The following PRTG variants were observed in gnomAD, a reference collection of about 807,000 sequenced individuals.
PRTG encodes the protein protogenin.
A neutral mutation model predicts 122.5 loss-of-function variants in PRTG; 67 were observed. That is an observed-to-expected ratio of 0.55 (90% CI 0.45 to 0.67). PRTG has a LOEUF of 0.67. PRTG is among the 30% of genes least tolerant of loss of function. PRTG has a pLI of 0.00. For synonymous variants in PRTG, 554 were observed against 501.1 expected, an observed-to-expected ratio of 1.11 and a Z score of -1.41; for missense variants, 1,435 against 1,415.4, an observed-to-expected ratio of 1.01 and a Z score of -0.22.
In PRTG at chr15:55,679,420, T is replaced by C. The variant is rs368575060; in HGVS notation, c.999A>G (p.Pro333=). The C allele has an allele frequency of 1.4e-5, 22 of 1,611,160 alleles. No individual in the cohort carries two copies. The highest frequency in any genetic ancestry group is 1.6e-4 in the Middle Eastern group (1 of 6,068). Residue 333 remains proline, a synonymous_variant, in exon 7 of 20, where the codon CCA becomes CCG. Coordinates refer to ENST00000389286, the MANE Select transcript of PRTG (RefSeq NM_173814.6). The part of the protein sequence containing the change: ...VLAPPSFVEW[P]ESLTRPRAGT... ...CAGCTCGAGGCCTTGTTAAACTTTC[T>C]GGCCATTCAACAAATGAAGGAGGAG...
chr15:55,722,202 A>G (rs1347625103), intron 2 of PRTG, among the ~76,000 whole-genome samples: 1 of 152,156 alleles, frequency 6.6e-6, no homozygotes, highest in Non-Finnish European at 1.5e-5. Context: ...AGATCTGAAA[A>G]TTTTCAAAAT....
intron 11 of PRTG, among the ~76,000 whole-genome samples, chr15:55,651,463 G>A (rs763703953): frequency 7.9e-5 from 12 of 152,082 alleles, no homozygotes; most frequent in Non-Finnish European, 1.8e-4. Context: ...TAAAAAGCTC[G>A]CTGAGTAGGA....
intron 2 of PRTG, among the ~76,000 whole-genome samples, chr15:55,722,748 C>T (rs2030874831): frequency 6.8e-6 from 1 of 147,956 alleles, no homozygotes; most frequent in African/African-American, 2.5e-5. Context: ...AGAAATGCCA[C>T]ACAGAACATA....
intron 11 of PRTG, among the ~76,000 whole-genome samples, chr15:55,641,867 A>AT (rs958217050): frequency 2.6e-5 from 4 of 151,978 alleles, no homozygotes; most frequent in African/African-American, 9.7e-5. Context: ...CCCTAAAACA[A>AT]TTTTTTTCAG....
intron 11 of PRTG, among the ~76,000 whole-genome samples, chr15:55,669,926 T>C (rs2059458936): frequency 1.3e-5 from 2 of 152,206 alleles, no homozygotes; most frequent in Admixed American, 1.3e-4. Flanking sequence ...AGTTTATGCA[T>C]TAGAAGTGAT....
intron 2 of PRTG, among the ~76,000 whole-genome samples, chr15:55,705,378 C>A (rs929554398): frequency 5.3e-5 from 8 of 152,214 alleles, no homozygotes; most frequent in African/African-American, 1.7e-4. Flanking sequence ...CCCTGACCTT[C>A]CACTTGATTG....
At chr15:55,733,327 G>A (rs1223292220) in intron 2 of PRTG, among the ~76,000 whole-genome samples, 6 of 151,538 alleles carry the variant, frequency 4.0e-5, no homozygotes, top group Admixed American at 2.0e-4. Flanking sequence ...CCTGACCAAC[G>A]TGGAGAAACC....
chr15:55,716,203 A>C (rs1243815432), intron 2 of PRTG, among the ~76,000 whole-genome samples: 1 of 152,212 alleles, frequency 6.6e-6, no homozygotes, highest in Non-Finnish European at 1.5e-5. Context: ...ACTGCACTCC[A>C]GCCTGGGTGA....
chr15:55,706,054 A>G (rs1595665903), intron 2 of PRTG, among the ~76,000 whole-genome samples: 1 of 127,580 alleles, frequency 7.8e-6, no homozygotes, highest in African/African-American at 3.1e-5. Context: ...TAGAGACGGG[A>G]TTTCACCATG....
intron 11 of PRTG, among the ~76,000 whole-genome samples, chr15:55,644,146 A>C (rs2059307804): frequency 6.6e-6 from 1 of 152,182 alleles, no homozygotes; most frequent in Non-Finnish European, 1.5e-5. Flanking sequence ...GCTGAAAAAT[A>C]CTTCTTCATT....
chr15:55,616,924 T>C lies in PRTG; in HGVS notation c.*3088A>G, dbSNP rs1018167669. 3.9e-5 allele frequency: 6 copies of C among 152,158 alleles called. No homozygotes were observed. Among genetic ancestry groups the C allele is most frequent in the African/African-American group, 1.4e-4 (6 of 41,464 alleles). 9.4% of individuals were successfully genotyped at this position (152,158 alleles called of 1,614,324 possible). A position where few individuals can be genotyped will look rare whatever the true frequency, so the allele number is the denominator to read the frequency against. On this transcript the variant is annotated 3_prime_UTR_variant, in exon 20 of 20. Transcript: ENST00000389286. ...CTAACCTATACATCTTAATGGTCTT[T>C]GGTATGAAAATACTGATGAGCAGTA...
rs779218159 is a variant in PRTG, at chr15:55,624,311, G to A, written c.3093+31C>T. On this transcript the variant is annotated intron_variant, in intron 18 of 19. Transcript: ENST00000389286. ...ACACAGGGAGGAGGAATGGAAGAAC[G>A]GCTTATGCAGCAAATCCCGCAGCTC... The A allele has an allele frequency of 6.9e-6, 11 of 1,602,574 alleles. No homozygotes were observed. The African/African-American group carries it at 9.4e-5, about 14-fold the overall frequency.
At chr15:55,707,554 A>C (rs2030180812) in intron 2 of PRTG, among the ~76,000 whole-genome samples, 1 of 152,232 alleles carries the variant, frequency 6.6e-6, no homozygotes, top group Non-Finnish European at 1.5e-5. Context: ...CCTTTCACTC[A>C]AAAGAATAAA....
intron 17 of PRTG, among the ~76,000 whole-genome samples, chr15:55,625,029 A>G (rs1041608803): frequency 2.6e-5 from 4 of 152,242 alleles, no homozygotes; most frequent in African/African-American, 4.8e-5. Context: ...TTTGAGTAGT[A>G]TGTTTCCATG....
chr15:55,731,369 T>C (rs1443852063), intron 2 of PRTG, among the ~76,000 whole-genome samples: 1 of 146,030 alleles, frequency 6.8e-6, no homozygotes, highest in Non-Finnish European at 1.5e-5. Context: ...TATCATTCTT[T>C]TTTTTTTTTT....
At chr15:55,630,813 T>C (rs1358932189) in intron 15 of PRTG, among the ~76,000 whole-genome samples, 1 of 152,182 alleles carries the variant, frequency 6.6e-6, no homozygotes, top group Non-Finnish European at 1.5e-5. Flanking sequence ...TGTGGGTGGA[T>C]ATGCACAGGG....
In PRTG at chr15:55,617,642, T is replaced by C. The variant is rs2059147047; in HGVS notation, c.*2370A>G. On this transcript the variant is annotated 3_prime_UTR_variant, in exon 20 of 20. Transcript: ENST00000389286. ...CTGTTAAATAATTATCAAATAGTTA[T>C]AGCCTAAAGTTCTATTGTAACTATA... The C allele has an allele frequency of 6.6e-6, 1 of 152,152 alleles. No individual in the cohort carries two copies. Among genetic ancestry groups the C allele is most frequent in the Non-Finnish European group, 1.5e-5 (1 of 68,018 alleles). 9.4% of individuals were successfully genotyped at this position (152,152 alleles called of 1,614,324 possible). A position where few individuals can be genotyped will look rare whatever the true frequency, so the allele number is the denominator to read the frequency against.
intron 2 of PRTG, among the ~76,000 whole-genome samples, chr15:55,715,250 A>G (rs1461438475): frequency 2.0e-5 from 3 of 152,214 alleles, no homozygotes; most frequent in East Asian, 1.9e-4. Flanking sequence ...AGTTTCCACC[A>G]TATCTATGAC....
intron 2 of PRTG, among the ~76,000 whole-genome samples, chr15:55,717,627 C>T (rs886559036): frequency 4.6e-5 from 7 of 152,278 alleles, no homozygotes; most frequent in Admixed American, 4.6e-4. Flanking sequence ...TGTAGTGGGA[C>T]ACAATACATT....
Sources: allele counts gnomAD v4.1 joint callset (sites outside exome capture counted in the v4.1 genomes callset), GRCh38; gene constraint gnomAD v4.1.1; transcripts MANE v1.5; gene names NCBI Gene and HGNC (gene_info 2026-07-23, HGNC 2026-07-21).